The following MACROD2 variants were observed in gnomAD, a reference collection of about 807,000 sequenced individuals.
MACROD2 encodes the protein ADP-ribose glycohydrolase MACROD2.
Under a neutral mutation model 70.4 loss-of-function variants are expected in MACROD2, and 36 were observed. The observed-to-expected ratio is 0.51, with a 90% confidence interval of 0.39 to 0.68. MACROD2 has a LOEUF of 0.68. MACROD2 is among the 30% of genes least tolerant of loss of function. The pLI is 0.00. For missense variants in MACROD2, 496 were observed against 538.4 expected, an observed-to-expected ratio of 0.92 and a Z score of 0.78; for synonymous variants, 172 against 178.8, an observed-to-expected ratio of 0.96 and a Z score of 0.30.
At chr20:15,899,845 T>C (rs928565952) in intron 10 of MACROD2, among the ~76,000 whole-genome samples, 1 of 152,188 alleles carries the variant, frequency 6.6e-6, no homozygotes, top group Non-Finnish European at 1.5e-5. Flanking sequence ...AAATTATATG[T>C]GGAAACATTT....
intron 2 of MACROD2, among the ~76,000 whole-genome samples, chr20:14,017,225 A>G (rs905614338): frequency 6.6e-6 from 1 of 152,118 alleles, no homozygotes; most frequent in African/African-American, 2.4e-5. Context: ...TCAAGCTAAC[A>G]ATTTTTCGGG....
At chr20:14,441,598 A>G (rs916562592) in intron 3 of MACROD2, among the ~76,000 whole-genome samples, 1 of 152,138 alleles carries the variant, frequency 6.6e-6, no homozygotes, top group Non-Finnish European at 1.5e-5. Flanking sequence ...GAGTCAGAAC[A>G]TTTCCTTTTC....
At chr20:15,306,404 C>T (rs2077698096) in intron 6 of MACROD2, among the ~76,000 whole-genome samples, 1 of 152,164 alleles carries the variant, frequency 6.6e-6, no homozygotes, top group African/African-American at 2.4e-5. Context: ...ACTTTACATA[C>T]ATTATCCCAT....
At chr20:15,090,446 C>T (rs2075784678) in intron 5 of MACROD2, among the ~76,000 whole-genome samples, 1 of 152,030 alleles carries the variant, frequency 6.6e-6, no homozygotes. Context: ...TTTCTTCTAC[C>T]TTCCTCACTG....
chr20:15,369,001 T>G (rs2045452969), intron 6 of MACROD2, among the ~76,000 whole-genome samples: 1 of 152,222 alleles, frequency 6.6e-6, no homozygotes, highest in Admixed American at 6.5e-5. Flanking sequence ...CATATCTTAG[T>G]ATATGTGAAT....
intron 5 of MACROD2, among the ~76,000 whole-genome samples, chr20:15,150,328 AG>A (rs1363086608): frequency 6.6e-6 from 1 of 151,978 alleles, no homozygotes; most frequent in Non-Finnish European, 1.5e-5. Context: ...AGAACAGAAT[AG>A]TGAGTTGTGG....
At chr20:14,756,194 A>G (rs910293304) in intron 5 of MACROD2, among the ~76,000 whole-genome samples, 6 of 151,978 alleles carry the variant, frequency 3.9e-5, no homozygotes, top group African/African-American at 1.5e-4. Flanking sequence ...ATCAATTCCT[A>G]AATTATGTCA....
Position 15,271,193 on chromosome 20 carries a change from C to A in MACROD2, c.540+41132C>A, listed in dbSNP as rs563457358. ...GAGGTTGGGAATTCCAAGATCAAAG[C>A]ACTAGCAGATTTGGCTTCTGGTGAG... On this transcript the variant is annotated intron_variant, in intron 6 of 17. Transcript: ENST00000684519. Among the ~76,000 whole-genome samples, 30 of 152,258 alleles carry A rather than the reference C, an allele frequency of 2.0e-4. 1 individual carries two copies. Among genetic ancestry groups the A allele is most frequent in the African/African-American group, 7.0e-4 (29 of 41,560 alleles).
intron 15 of MACROD2, among the ~76,000 whole-genome samples, chr20:16,009,736 G>T (rs903381727): frequency 6.6e-6 from 1 of 151,852 alleles, no homozygotes; most frequent in African/African-American, 2.4e-5. Context: ...CAGCCTGCGC[G>T]ATAAGAGCAA....
chr20:15,450,866 C>T (rs1335802322), intron 7 of MACROD2, among the ~76,000 whole-genome samples: 1 of 152,084 alleles, frequency 6.6e-6, no homozygotes, highest in Non-Finnish European at 1.5e-5. Context: ...AGAATTAAAC[C>T]TACCATTGTC....
At chr20:15,147,866 TCTGG>T (rs1308763620) in intron 5 of MACROD2, among the ~76,000 whole-genome samples, 1 of 152,076 alleles carries the variant, frequency 6.6e-6, no homozygotes, top group Non-Finnish European at 1.5e-5. Flanking sequence ...GGGGTTGTTC[TCTGG>T]CAGGCAGGAG....
intron 8 of MACROD2, among the ~76,000 whole-genome samples, chr20:15,710,957 G>C (rs2050617130): frequency 6.6e-6 from 1 of 152,158 alleles, no homozygotes. Context: ...TATCTTCGCT[G>C]TTTCCTTCCG....
intron 2 of MACROD2, among the ~76,000 whole-genome samples, chr20:14,015,914 G>A (rs369873661): frequency 6.6e-6 from 1 of 152,292 alleles, no homozygotes; most frequent in South Asian, 2.1e-4. Context: ...TATCAACTGT[G>A]AATAATGCTG....
chr20:14,428,439 A>G (rs2083959644), intron 3 of MACROD2, among the ~76,000 whole-genome samples: 1 of 152,184 alleles, frequency 6.6e-6, no homozygotes. Flanking sequence ...GATTAAATCA[A>G]AATGCCAGTT....
At chr20:15,131,975 AT>A (rs1184214246) in intron 5 of MACROD2, among the ~76,000 whole-genome samples, 2 of 152,022 alleles carry the variant, frequency 1.3e-5, no homozygotes, top group Non-Finnish European at 2.9e-5. Flanking sequence ...TCTATATACT[AT>A]ATACAAGAAA....
At chr20:15,459,892 G>A (rs930100165) in intron 7 of MACROD2, among the ~76,000 whole-genome samples, 1 of 151,822 alleles carries the variant, frequency 6.6e-6, no homozygotes, top group Admixed American at 6.6e-5. Flanking sequence ...CAGTCCAAGT[G>A]GTTCTTATGA....
intron 5 of MACROD2, among the ~76,000 whole-genome samples, chr20:15,033,998 A>G (rs1271847623): frequency 1.3e-5 from 2 of 152,124 alleles, no homozygotes; most frequent in Non-Finnish European, 2.9e-5. Flanking sequence ...ATTAAATAAG[A>G]CTCATGTTTC....
At chr20:14,813,362 C>G (rs2072737249) in intron 5 of MACROD2, among the ~76,000 whole-genome samples, 1 of 149,454 alleles carries the variant, frequency 6.7e-6, no homozygotes, top group Non-Finnish European at 1.5e-5. Context: ...CCCCCTCCCA[C>G]CCCTTCAGGC....
At chr20:15,369,133 A>G (rs1191368694) in intron 6 of MACROD2, among the ~76,000 whole-genome samples, 2 of 152,206 alleles carry the variant, frequency 1.3e-5, no homozygotes, top group African/African-American at 4.8e-5. Context: ...AAAATTAAGT[A>G]TTAATATTTA....
Sources: allele counts gnomAD v4.1 joint callset (sites outside exome capture counted in the v4.1 genomes callset), GRCh38; gene constraint gnomAD v4.1.1; transcripts MANE v1.5; gene names NCBI Gene and HGNC (gene_info 2026-07-23, HGNC 2026-07-21).